The following SMAP2 variants were observed in gnomAD, a reference collection of about 807,000 sequenced individuals.
SMAP2 encodes the protein stromal membrane-associated protein 2.
Under a neutral mutation model 56.4 loss-of-function variants are expected in SMAP2, and 25 were observed. The observed-to-expected ratio is 0.44, with a 90% confidence interval of 0.32 to 0.62. The LOEUF (loss-of-function observed/expected upper bound fraction) is 0.62, where lower values mean the gene tolerates loss of function less well. Ranked by LOEUF, SMAP2 falls within the 20% of genes least tolerant of loss-of-function variation. SMAP2 has a pLI of 0.04. For missense variants in SMAP2, 388 were observed against 545.6 expected (o/e 0.71, Z 2.88); for synonymous variants, 157 against 181.7 (o/e 0.86, Z 1.09).
intron 1 of SMAP2, among the ~76,000 whole-genome samples, chr1:40,359,311 C>G (rs998237224): frequency 6.6e-6 from 1 of 152,172 alleles, no homozygotes; most frequent in Non-Finnish European, 1.5e-5. Context: ...CCATGTTGTC[C>G]AGGCTGGTCT....
At chr1:40,378,835 A>T (rs1405172971) in intron 1 of SMAP2, among the ~76,000 whole-genome samples, 1 of 152,160 alleles carries the variant, frequency 6.6e-6, no homozygotes, top group East Asian at 1.9e-4. Context: ...TTTTTGAAAA[A>T]GGTAGCACTT....
chr1:40,357,973 G>T (rs188782512), intron 1 of SMAP2, among the ~76,000 whole-genome samples: 93 of 146,808 alleles, frequency 6.3e-4, no homozygotes, highest in Admixed American at 6.0e-3. Flanking sequence ...AATGTTATTG[G>T]TTTTTTTTTT....
intron 1 of SMAP2, among the ~76,000 whole-genome samples, chr1:40,381,647 A>G (rs562120307): frequency 1.7e-4 from 26 of 152,128 alleles, no homozygotes; most frequent in Non-Finnish European, 3.4e-4. Flanking sequence ...TGTAAGGTTA[A>G]AACCTGAGCT....
Position 40,374,088 on chromosome 1 carries a change from G to A in SMAP2, c.-33G>A. ...AGGGGTCTCTGGGGGCGAGGAGGGC[G>A]CGTCGCCCTCTGCCCCCGCCGGCAC... On this transcript the variant is annotated 5_prime_UTR_variant, in exon 1 of 10. Coordinates refer to ENST00000372718, the MANE Select transcript of SMAP2 (RefSeq NM_022733.3). This position sits in a 1 kb window ranked among gnomAD's most constrained non-coding sequence, Gnocchi z 5.9. 2 of 1,543,722 alleles carry A rather than the reference G, an allele frequency of 1.3e-6. No individual in the cohort carries two copies. The highest frequency in any genetic ancestry group is 1.8e-6 in the Non-Finnish European group (2 of 1,124,782).
At chr1:40,416,476 A>G in intron 8 of SMAP2, 135 bp downstream of exon 8, 3 of 946,706 alleles carry the variant, frequency 3.2e-6, no homozygotes, top group Non-Finnish European at 4.8e-6. Flanking sequence ...GAACATGACC[A>G]ACGTATCAGC....
Position 40,408,636 on chromosome 1 carries a change from A to C in SMAP2, c.238-17A>C. ...TTGATCTGACGTTCCATGTTTCTACATTCTCTTTGGTCACAGTGCATGCAA... is the reference window on the plus strand; with the variant it reads ...TTGATCTGACGTTCCATGTTTCTACCTTCTCTTTGGTCACAGTGCATGCAA... On this transcript the variant is annotated splice_polypyrimidine_tract_variant and intron_variant, in intron 2 of 9. Coordinates refer to ENST00000372718, the MANE Select transcript of SMAP2 (RefSeq NM_022733.3). The surrounding 1 kb of genome is among the most constrained non-coding windows in gnomAD (Gnocchi z 4.3). The C allele has an allele frequency of 6.2e-7, 1 of 1,605,978 alleles. No individual in the cohort carries two copies. Among genetic ancestry groups the C allele is most frequent in the Non-Finnish European group, 8.5e-7 (1 of 1,172,864 alleles).
chr1:40,351,215 G>C (rs1444061305), intron 1 of SMAP2, among the ~76,000 whole-genome samples: 1 of 152,198 alleles, frequency 6.6e-6, no homozygotes, highest in East Asian at 1.9e-4. Context: ...AGTGGTGACA[G>C]AGAGCAGGGC....
At chr1:40,421,769 C>T (rs1242107380) in intron 9 of SMAP2, among the ~76,000 whole-genome samples, 4 of 152,180 alleles carry the variant, frequency 2.6e-5, no homozygotes, top group African/African-American at 4.8e-5. Flanking sequence ...CTTTAGTCTC[C>T]GTCAGCATTG....
In SMAP2 at chr1:40,408,865, C is replaced by T; in HGVS notation, c.323+127C>T. On this transcript the variant is annotated intron_variant, in intron 3 of 9. Transcript: ENST00000372718. The surrounding 1 kb of genome is among the most constrained non-coding windows in gnomAD (Gnocchi z 4.3). Reference sequence around the variant, plus strand: ...TGGATTAGTCAGTGTCCTTGCTTGTCCTCTGTCCTGCAATCAAGGTGCACA... The same window carrying T: ...TGGATTAGTCAGTGTCCTTGCTTGTTCTCTGTCCTGCAATCAAGGTGCACA... 1.4e-6 allele frequency: 1 copy of T among 698,632 alleles called. No homozygotes were observed. The highest frequency in any genetic ancestry group is 2.6e-5 in the East Asian group (1 of 37,992). The allele number at this position is 698,632 out of a possible 1,614,324, so 43.3% of individuals were successfully genotyped here. A position where few individuals can be genotyped will look rare whatever the true frequency, so the allele number is the denominator to read the frequency against.
intron 5 of SMAP2, among the ~76,000 whole-genome samples, chr1:40,413,658 G>A (rs1057407246): frequency 2.0e-5 from 3 of 152,190 alleles, no homozygotes; most frequent in African/African-American, 7.2e-5. Context: ...GCTTAAGGAA[G>A]AGTCTTTTAT....
Position 40,416,492 on chromosome 1 carries a change from G to A in SMAP2, c.847+151G>A, listed in dbSNP as rs915782469. The A allele has an allele frequency of 1.3e-5, 11 of 851,538 alleles. No homozygotes were observed. In the African/African-American group the frequency reaches 1.9e-4, roughly 14 times the overall value. 52.7% of individuals were successfully genotyped at this position (851,538 alleles called of 1,614,324 possible). On this transcript the variant is annotated intron_variant, in intron 8 of 9. Transcript: ENST00000372718. ...AACATGACCAACGTATCAGCAGATG[G>A]AAATTAATGTAACTCAGAGTCATAC...
Position 40,416,245 on chromosome 1 carries a change from C to T in SMAP2, c.751C>T (p.Pro251Ser). 2 of 1,613,950 alleles carry T rather than the reference C, an allele frequency of 1.2e-6. No individual in the cohort carries two copies. Among genetic ancestry groups the T allele is most frequent in the Non-Finnish European group, 1.7e-6 (2 of 1,179,992 alleles). The part of the protein sequence containing the change: ...VPENLNLFPE[P>S]GSKSEEIGKK... ...TGAAAATCTGAACCTGTTTCCGGAGCCAGGGAGCAAATCAGAAGAAATAGG... is the reference window on the plus strand; with the variant it reads ...TGAAAATCTGAACCTGTTTCCGGAGTCAGGGAGCAAATCAGAAGAAATAGG... The change falls in exon 8 of 10, where the codon CCA (proline) becomes TCA (serine). Residue 251 changes from proline (P) to serine (S), a missense_variant. Transcript: ENST00000372718.
chr1:40,379,391 C>G (rs1381915267), intron 1 of SMAP2, among the ~76,000 whole-genome samples: 3 of 152,076 alleles, frequency 2.0e-5, no homozygotes, highest in Non-Finnish European at 4.4e-5. Context: ...ACCCACAGCT[C>G]TTGACATCTG....
At chr1:40,396,011 T>C (rs1439656319) in intron 1 of SMAP2, among the ~76,000 whole-genome samples, 1 of 152,206 alleles carries the variant, frequency 6.6e-6, no homozygotes, top group Non-Finnish European at 1.5e-5. Context: ...CCATTGGTAA[T>C]CACAGCAGTC....
At chr1:40,371,877 A>G (rs550519988), upstream of SMAP2, among the ~76,000 whole-genome samples, 1 of 152,344 alleles carries the variant, frequency 6.6e-6, no homozygotes, top group East Asian at 1.9e-4. Flanking sequence ...TGTTATCATC[A>G]TTCCCATTCT....
chr1:40,412,853 A>G (rs1374315206), intron 4 of SMAP2, among the ~76,000 whole-genome samples, 163 bp from the exon 5 acceptor site: 2 of 152,128 alleles, frequency 1.3e-5, no homozygotes, highest in Non-Finnish European at 2.9e-5. Flanking sequence ...GAAGAGGTCA[A>G]CTCTCATGCT....
At chr1:40,415,557 C>A (rs746720736) in intron 7 of SMAP2, among the ~76,000 whole-genome samples, 176 bp downstream of exon 7, 12 of 152,152 alleles carry the variant, frequency 7.9e-5, no homozygotes, top group Non-Finnish European at 1.8e-4. Context: ...GCTGTTCATG[C>A]CTTTTTTTCT....
At chr1:40,347,985 C>T (rs1016042385) in intron 1 of SMAP2, among the ~76,000 whole-genome samples, 4 of 151,900 alleles carry the variant, frequency 2.6e-5, no homozygotes, top group Admixed American at 6.6e-5. Flanking sequence ...TTCAATTTCT[C>T]ACTATTATAA....
intron 1 of SMAP2, among the ~76,000 whole-genome samples, chr1:40,350,416 A>G (rs997121607): frequency 1.3e-5 from 2 of 152,208 alleles, no homozygotes; most frequent in East Asian, 1.9e-4. Flanking sequence ...GCGTGACACC[A>G]TAAAAGCATG....
Sources: gnomAD v4.1 joint callset for allele counts (sites outside exome capture counted in the v4.1 genomes callset) on GRCh38, gnomAD v4.1.1 for gene constraint, Gnocchi (gnomAD v3.1) non-coding constraint, MANE v1.5 for transcripts, NCBI Gene and HGNC (gene_info 2026-07-23, HGNC 2026-07-21) for gene names.